The following ESCO1 variants were observed in gnomAD, a reference collection of about 807,000 sequenced individuals.
ESCO1 encodes establishment of sister chromatid cohesion N-acetyltransferase 1.
In ESCO1, 33 loss-of-function variants were observed where a neutral mutation model predicts 83.5. That is an observed-to-expected ratio of 0.40 (90% confidence interval 0.30 to 0.53). The LOEUF is 0.53. Among genes scored for constraint, ESCO1 ranks in the 20% least tolerant of loss-of-function variants. The pLI is 0.63. For synonymous variants in ESCO1, 332 were observed against 324.3 expected (o/e 1.02, Z -0.25); for missense variants, 855 against 968.0 (o/e 0.88, Z 1.55).
intron 4 of ESCO1, among the ~76,000 whole-genome samples, chr18:21,572,894 G>A (rs556756959): frequency 5.9e-5 from 9 of 152,010 alleles, no homozygotes; most frequent in African/African-American, 2.2e-4. Flanking sequence ...AACCTGGGAG[G>A]CGGAGGATGC....
intron 10 of ESCO1, among the ~76,000 whole-genome samples, chr18:21,533,774 A>T (rs2037797851): frequency 6.6e-6 from 1 of 152,212 alleles, no homozygotes; most frequent in African/African-American, 2.4e-5. Flanking sequence ...AACTTCTATG[A>T]ATTAGTCAAT....
At chr18:21,544,499 T>C (rs1305424492) in intron 8 of ESCO1, among the ~76,000 whole-genome samples, 1 of 146,232 alleles carries the variant, frequency 6.8e-6, no homozygotes, top group Non-Finnish European at 1.5e-5. Context: ...CGTGGTGGCA[T>C]GCACCTGTAA....
chr18:21,534,545 T>C lies in ESCO1; in HGVS notation c.2187+1497A>G, dbSNP rs2037808164. On this transcript the variant is annotated intron_variant, in intron 10 of 11. Coordinates refer to ENST00000269214, the MANE Select transcript of ESCO1 (RefSeq NM_052911.3). ...TAAACATACATGATTCCATTGTTTGTTTTTTGTACAAGTTGGCTCCTAAAC... is the reference window on the plus strand; with the variant it reads ...TAAACATACATGATTCCATTGTTTGCTTTTTGTACAAGTTGGCTCCTAAAC... Among the ~76,000 whole-genome samples, 3 of 152,186 alleles carry C rather than the reference T, an allele frequency of 2.0e-5. No individual in the cohort carries two copies. In the South Asian group the frequency reaches 6.2e-4, roughly 32 times the overall value.
intron 1 of ESCO1, among the ~76,000 whole-genome samples, chr18:21,591,534 T>C (rs1283353649): frequency 6.6e-6 from 1 of 152,228 alleles, no homozygotes; most frequent in Non-Finnish European, 1.5e-5. Flanking sequence ...TATGCCATTC[T>C]GCTATCAAAC....
At chr18:21,600,598 G>A (rs1033902476) in intron 1 of ESCO1, 25 bp downstream of exon 1, 1 of 152,350 alleles carries the variant, frequency 6.6e-6, no homozygotes, top group Non-Finnish European at 1.5e-5. Context: ...ACAGGCGGCG[G>A]GGACCGTCAG....
At chr18:21,576,605 G>T (rs1383818703) in intron 2 of ESCO1, among the ~76,000 whole-genome samples, 1 of 152,200 alleles carries the variant, frequency 6.6e-6, no homozygotes, top group African/African-American at 2.4e-5. Flanking sequence ...ATGCTACAGA[G>T]AAGGACAAAT....
chr18:21,554,572 GC>G (rs1302458414), intron 8 of ESCO1, among the ~76,000 whole-genome samples: 1 of 152,126 alleles, frequency 6.6e-6, no homozygotes, highest in Non-Finnish European at 1.5e-5. Flanking sequence ...TTCAAGACCA[GC>G]CTGGCCACCA....
intron 8 of ESCO1, among the ~76,000 whole-genome samples, chr18:21,557,667 A>G (rs919209439): frequency 2.0e-5 from 3 of 152,222 alleles, no homozygotes; most frequent in African/African-American, 7.2e-5. Context: ...GAAGGATAAT[A>G]CAGGAAAAAA....
At chr18:21,563,624 A>T (rs2038218810) in intron 7 of ESCO1, among the ~76,000 whole-genome samples, 1 of 152,252 alleles carries the variant, frequency 6.6e-6, no homozygotes, top group Non-Finnish European at 1.5e-5. Flanking sequence ...CTGGGATTAT[A>T]GGCATGAGCC....
intron 10 of ESCO1, among the ~76,000 whole-genome samples, chr18:21,535,796 G>C (rs909689224): frequency 9.9e-5 from 15 of 152,222 alleles, no homozygotes; most frequent in African/African-American, 3.6e-4. Flanking sequence ...GATTATAGGC[G>C]TGAGCCAGTG....
In ESCO1 at chr18:21,566,180, G is replaced by A; in HGVS notation, c.1672C>T (p.Leu558Phe). 1.2e-6 allele frequency: 2 copies of A among 1,613,382 alleles called. No individual in the cohort carries two copies. Among genetic ancestry groups the A allele is most frequent in the African/African-American group, 1.3e-5 (1 of 75,010 alleles). The change falls in exon 6 of 12, where the codon CTC becomes TTC. Residue 558 changes from leucine to phenylalanine, a missense_variant. Coordinates refer to ENST00000269214, the MANE Select transcript of ESCO1 (RefSeq NM_052911.3). ...CTGCTTTTAGATGTCTGGTTACTGA[G>A]AATACTATGCTGTTGGGGAGCTGAA... ...PGSAPQQHSI[L>F]SNQTSKSSDN...
At position 21,573,514 on chromosome 18, in the gene ESCO1, G is replaced by A. The variant is rs146713905; in HGVS notation, c.1330C>T (p.His444Tyr). The A allele has an allele frequency of 2.4e-3, 3,893 of 1,613,530 alleles. 31 individuals carry two copies. The highest frequency in any genetic ancestry group is 0.015 in the South Asian group (1,394 of 90,876). The change falls in exon 4 of 12, where the codon CAT becomes TAT. Residue 444 changes from histidine (H) to tyrosine (Y), a missense_variant. Coordinates refer to ENST00000269214, the MANE Select transcript of ESCO1 (RefSeq NM_052911.3). The part of the protein sequence containing the change: ...TQSTFLGTKL[H>Y]DRNITCQQEK... The stretch of plus-strand genomic sequence containing the variant: ...TGCTGGCAAGTTATATTTCTATCAT[G>A]TAGCTTTGTCCCTAAAAACGTACTT...
chr18:21,574,047 A>G lies in ESCO1; in HGVS notation c.797T>C (p.Val266Ala). ...TGTGTTAGTATTCACTTGTGTATGA[A>G]CCGACTTCTTCATCTCATTCTTTTT... The part of the protein sequence containing the change: ...VPKKNEMKKS[V>A]HTQVNTNTTL... The change falls in exon 4 of 12, where the codon GTT becomes GCT. Residue 266 changes from valine to alanine, a missense_variant. By Grantham distance (64) the Val-to-Ala change is moderately conservative (BLOSUM62 0). Around this residue, in one of 2 missense-constraint regions of ESCO1, gnomAD observed 726 missense variants for 699.5 expected, o/e 1.04. Transcript: ENST00000269214. 1 of 1,612,858 alleles carries G rather than the reference A, an allele frequency of 6.2e-7. No individual in the cohort carries two copies. Among genetic ancestry groups the G allele is most frequent in the Non-Finnish European group, 8.5e-7 (1 of 1,179,982 alleles).
chr18:21,530,502 AAATGG>A lies in ESCO1; in HGVS notation c.2376-17_2376-13del. The stretch of plus-strand genomic sequence containing the variant: ...ATATAAAGTTACTCCTATTAAAAAA[AAATGG>A]GGGGGGGGAAGGGTTAAGTGTGAAA... On this transcript the variant is annotated splice_polypyrimidine_tract_variant and intron_variant, in intron 11 of 11. Coordinates refer to ENST00000269214, the MANE Select transcript of ESCO1 (RefSeq NM_052911.3). 1 of 1,344,220 alleles carries A rather than the reference AAATGG, an allele frequency of 7.4e-7. No homozygotes were observed. Among genetic ancestry groups the A allele is most frequent in the Non-Finnish European group, 9.8e-7 (1 of 1,019,738 alleles). 83.3% of individuals were successfully genotyped at this position (1,344,220 alleles called of 1,614,324 possible). A position where few individuals can be genotyped will look rare whatever the true frequency, so the allele number is the denominator to read the frequency against.
intron 2 of ESCO1, among the ~76,000 whole-genome samples, chr18:21,580,296 C>T (rs2038484696): frequency 6.6e-6 from 1 of 152,068 alleles, no homozygotes; most frequent in Admixed American, 6.6e-5. Context: ...AAAAAGATGA[C>T]TCTCAAACTT....
chr18:21,581,216 G>A (rs2038497891), intron 2 of ESCO1, among the ~76,000 whole-genome samples: 1 of 151,768 alleles, frequency 6.6e-6, no homozygotes, highest in African/African-American at 2.4e-5. Context: ...AGGAGGCTGA[G>A]GCAGTGAGGC....
Position 21,566,190 on chromosome 18 carries a change from C to G in ESCO1, c.1662G>C (p.Gln554His). ...ATGTCTGGTTACTGAGAATACTATG[C>G]TGTTGGGGAGCTGAACCTGTAATTT... ...ENKFPGSAPQ[Q>H]HSILSNQTSK... The change falls in exon 6 of 12, where the codon CAG becomes CAC. Residue 554 changes from glutamine to histidine, a missense_variant. Transcript: ENST00000269214. The G allele has an allele frequency of 6.2e-7, 1 of 1,613,000 alleles. No individual in the cohort carries two copies. The highest frequency in any genetic ancestry group is 8.5e-7 in the Non-Finnish European group (1 of 1,179,484).
At chr18:21,579,772 ACACACACACACACGCGCGCGCG>A (rs1372613483) in intron 2 of ESCO1, among the ~76,000 whole-genome samples, 5 of 49,892 alleles carry the variant, frequency 1.0e-4, no homozygotes, top group African/African-American at 4.5e-4. Flanking sequence ...CGAGATTCTG[ACACACACACACACGCGCGCGCG>A]CACACACACA....
chr18:21,531,893 C>CAAAAAAAAA, intron 11 of ESCO1, among the ~76,000 whole-genome samples: 1 of 82,004 alleles, frequency 1.2e-5, no homozygotes, highest in Non-Finnish European at 2.2e-5. Flanking sequence ...GACTCCATCT[C>CAAAAAAAAA]AAAAAAAAAA....
Sources: gnomAD v4.1 joint callset for allele counts (sites outside exome capture counted in the v4.1 genomes callset) on GRCh38, gnomAD v4.1.1 for gene constraint, gnomAD v4.1.1 regional missense constraint, MANE v1.5 for transcripts, NCBI Gene and HGNC (gene_info 2026-07-23, HGNC 2026-07-21) for gene names.